SPTB: variants seen among roughly 807,000 people sequenced by gnomAD.
SPTB encodes the protein spectrin beta, erythrocytic.
A neutral mutation model predicts 256.2 loss-of-function variants in SPTB; 45 were observed. The observed-to-expected ratio is 0.18, with a 90% CI of 0.14 to 0.23. SPTB has a LOEUF of 0.23. SPTB is among the 10% of genes least tolerant of loss of function. The probability of loss-of-function intolerance (pLI) is 1.00; values close to 1 mark genes in which losing one functional copy is unlikely to be tolerated. For synonymous variants in SPTB, 1,231 were observed against 1,243.1 expected, an observed-to-expected ratio of 0.99 and a Z score of 0.21; for missense variants, 2,715 against 3,040.4, an observed-to-expected ratio of 0.89 and a Z score of 2.52.
At chr14:64,855,125 G>A (rs761135045) in intron 1 of SPTB, among the ~76,000 whole-genome samples, 2 of 152,178 alleles carry the variant, frequency 1.3e-5, no homozygotes, top group Admixed American at 6.5e-5. Context: ...TGCCCAATGC[G>A]CCAGTTACCA....
At chr14:64,791,934 C>T (rs1382130486) in intron 14 of SPTB, 78 bp from the exon 15 acceptor site, 4 of 1,585,744 alleles carry the variant, frequency 2.5e-6, no homozygotes, top group Non-Finnish European at 3.4e-6. Flanking sequence ...CCCCAGTCTC[C>T]AGAACATGTA....
In SPTB at chr14:64,840,845, G is replaced by A. The variant is rs1033043385; in HGVS notation, c.-51-17700C>T. 3.9e-5 allele frequency among the ~76,000 whole-genome samples: 6 copies of A among 152,184 alleles called. No individual in the cohort carries two copies. The South Asian group carries it at 1.2e-3, about 32-fold the overall frequency. On this transcript the variant is annotated intron_variant, in intron 1 of 35. Coordinates refer to ENST00000644917, the MANE Select transcript of SPTB (RefSeq NM_001355436.2). ...ACAGAGAGGTGGATAGGGCCTGTAC[G>A]ACTTGCTGCTATTGCCATACAAGAC...
chr14:64,841,532 C>T lies in SPTB; in HGVS notation c.-51-18387G>A, dbSNP rs1286310553. ...CTTCAGGGTCACAGCTAATCCACGC[C>T]CTGAGATTTCAAAACACAGAATGCA... On this transcript the variant is annotated intron_variant, in intron 1 of 35. Transcript: ENST00000644917. The surrounding 1 kb of genome is among the most constrained non-coding windows in gnomAD (Gnocchi z 4.6). Among the ~76,000 whole-genome samples, 1 of 152,164 alleles carries T rather than the reference C, an allele frequency of 6.6e-6. No homozygotes were observed. Among genetic ancestry groups the T allele is most frequent in the Non-Finnish European group, 1.5e-5 (1 of 68,030 alleles).
chr14:64,817,835 G>C (rs1320466552), intron 2 of SPTB, among the ~76,000 whole-genome samples: 2 of 152,248 alleles, frequency 1.3e-5, no homozygotes, highest in Non-Finnish European at 2.9e-5. Flanking sequence ...GGAGGTGGGC[G>C]GGGAGCAGCA....
At chr14:64,871,808 C>T (rs185520615) in intron 1 of SPTB, among the ~76,000 whole-genome samples, 16 of 152,234 alleles carry the variant, frequency 1.1e-4, no homozygotes, top group African/African-American at 2.6e-4. Context: ...GTTTTAACCA[C>T]GTACATGAGT....
intron 1 of SPTB, among the ~76,000 whole-genome samples, chr14:64,837,705 G>C (rs4384522): frequency 0.16 from 23,636 of 152,098 alleles, 1,955 homozygotes; most frequent in African/African-American, 0.2. Context: ...AGGTTCAAGC[G>C]ATTCTCCTGC....
intron 2 of SPTB, among the ~76,000 whole-genome samples, chr14:64,809,483 C>A (rs61395783): frequency 1.3e-5 from 2 of 151,766 alleles, no homozygotes; most frequent in African/African-American, 4.8e-5. Flanking sequence ...GTAGCTGGGA[C>A]TACAGGCGTG....
chr14:64,750,157 G>A lies in SPTB; in HGVS notation c.6603-3C>T. Reference sequence around the variant, plus strand: ...CACAGTACAGGTTGTTCCAGGACCTGCAAAGATGCAGACAGGCAGGTCACC... The same window carrying A: ...CACAGTACAGGTTGTTCCAGGACCTACAAAGATGCAGACAGGCAGGTCACC... On this transcript the variant is annotated splice_polypyrimidine_tract_variant and splice_region_variant and intron_variant, in intron 33 of 35. Transcript: ENST00000644917. The A allele has an allele frequency of 1.9e-6, 3 of 1,609,848 alleles. No homozygotes were observed. Among genetic ancestry groups the A allele is most frequent in the Non-Finnish European group, 2.5e-6 (3 of 1,176,480 alleles).
Position 64,747,460 on chromosome 14 carries a change from G to A in SPTB, c.*1846C>T, listed in dbSNP as rs573876671. 191 of 152,784 alleles carry A rather than the reference G, an allele frequency of 1.3e-3. 1 individual carries two copies. Among genetic ancestry groups the A allele is most frequent in the Non-Finnish European group, 2.0e-3 (133 of 68,046 alleles). 9.5% of individuals were successfully genotyped at this position (152,784 alleles called of 1,614,324 possible). Reference sequence around the variant, plus strand: ...CCTGTATAGGGTCATATGTACCAAAGCCAAATGAAGACCTTGCTCACCAGG... The same window carrying A: ...CCTGTATAGGGTCATATGTACCAAAACCAAATGAAGACCTTGCTCACCAGG... On this transcript the variant is annotated 3_prime_UTR_variant, in exon 36 of 36. Coordinates refer to ENST00000644917, the MANE Select transcript of SPTB (RefSeq NM_001355436.2).
intron 1 of SPTB, among the ~76,000 whole-genome samples, chr14:64,846,485 C>T (rs544488222): frequency 1.6e-4 from 25 of 152,334 alleles, no homozygotes; most frequent in African/African-American, 3.6e-4. Flanking sequence ...GGCAGCAGAA[C>T]GCATAGGTCG....
At position 64,847,942 on chromosome 14, in the gene SPTB, C is replaced by T. The variant is rs571397000; in HGVS notation, c.-51-24797G>A. On this transcript the variant is annotated intron_variant, in intron 1 of 35. Transcript: ENST00000644917. The surrounding 1 kb of genome is among the most constrained non-coding windows in gnomAD (Gnocchi z 5.9). ...TGGCCAGGTGATCGCATGCATCCTTCACCTGTGAATGCCTTCATCCCTCTC... is the reference window on the plus strand; with the variant it reads ...TGGCCAGGTGATCGCATGCATCCTTTACCTGTGAATGCCTTCATCCCTCTC... 3.3e-5 allele frequency among the ~76,000 whole-genome samples: 5 copies of T among 152,206 alleles called. No individual in the cohort carries two copies. Among genetic ancestry groups the T allele is most frequent in the Admixed American group, 6.5e-5 (1 of 15,282 alleles).
At chr14:64,788,060 G>A (rs1024444262) in intron 15 of SPTB, among the ~76,000 whole-genome samples, 1 of 152,222 alleles carries the variant, frequency 6.6e-6, no homozygotes, top group Non-Finnish European at 1.5e-5. Context: ...ATGATTTAGA[G>A]AAATATTCAG....
intron 2 of SPTB, among the ~76,000 whole-genome samples, chr14:64,819,087 T>C (rs1258432812): frequency 6.6e-6 from 1 of 152,166 alleles, no homozygotes; most frequent in Non-Finnish European, 1.5e-5. Flanking sequence ...CCCCTTGGCA[T>C]TGCCAAGGTC....
Position 64,823,172 on chromosome 14 carries a change from G to C in SPTB, c.-51-27C>G. 1 of 1,565,384 alleles carries C rather than the reference G, an allele frequency of 6.4e-7. No homozygotes were observed. On this transcript the variant is annotated intron_variant, in intron 1 of 35. Transcript: ENST00000644917. The surrounding 1 kb of genome is among the most constrained non-coding windows in gnomAD (Gnocchi z 6.5). ...TGGGGGACAGCAACACAGTCAGAGG[G>C]TTATCTCTCTACCCCCTCGGACTTT...
chr14:64,766,860 G>T lies in SPTB; in HGVS notation c.6270-59C>A, dbSNP rs2082192977. ...CACCCCTCTGAGGCCAGTGCCTCCT[G>T]CGAGGCCTGGCTTTTCACCTGCGCC... On this transcript the variant is annotated intron_variant, in intron 31 of 35. Transcript: ENST00000644917. The T allele has an allele frequency of 1.6e-5, 25 of 1,592,474 alleles. No homozygotes were observed. In the South Asian group the frequency reaches 1.8e-4, roughly 11 times the overall value.
intron 1 of SPTB, among the ~76,000 whole-genome samples, chr14:64,832,869 C>A (rs995373494): frequency 6.6e-6 from 1 of 152,228 alleles, no homozygotes; most frequent in African/African-American, 2.4e-5. Context: ...GTGGTTTCTG[C>A]TGGTCTTTGT....
Position 64,769,583 on chromosome 14 carries a change from C to T in SPTB, c.5937+7G>A, listed in dbSNP as rs200478047. The T allele has an allele frequency of 3.4e-4, 544 of 1,613,774 alleles. No homozygotes were observed. The highest frequency in any genetic ancestry group is 4.3e-4 in the Non-Finnish European group (502 of 1,180,008). Reference sequence around the variant, plus strand: ...GGAGCTCGCCTCCATCCTTGCAGTCCCCTCACCTCCTCTGAGGCCTGGTGC... The same window carrying T: ...GGAGCTCGCCTCCATCCTTGCAGTCTCCTCACCTCCTCTGAGGCCTGGTGC... On this transcript the variant is annotated splice_region_variant and intron_variant, in intron 28 of 35. Coordinates refer to ENST00000644917, the MANE Select transcript of SPTB (RefSeq NM_001355436.2).
intron 32 of SPTB, among the ~76,000 whole-genome samples, chr14:64,765,833 T>G (rs999178647): frequency 0.013 from 1,835 of 142,140 alleles, 58 homozygotes; most frequent in African/African-American, 0.033. Context: ...TGTGTGTGTG[T>G]GTGGGGGTGT....
Position 64,786,467 on chromosome 14 carries a change from C to A in SPTB, c.3498G>T (p.Gln1166His). 6.2e-7 allele frequency: 1 copy of A among 1,614,174 alleles called. No individual in the cohort carries two copies. ...TCTGGAACTCCTGGAAGCCAAGGCA[C>A]TGAGCGAGGGTGTGGCTGCGGCTCT... is the stretch of plus-strand genomic sequence containing the variant. ...MWESRSHTLA[Q>H]CLGFQEFQKD... The change falls in exon 16 of 36, where the codon CAG (glutamine) becomes CAT (histidine). Residue 1166 changes from glutamine to histidine, a missense_variant. Coordinates refer to ENST00000644917, the MANE Select transcript of SPTB (RefSeq NM_001355436.2). The surrounding 1 kb of genome is among the most constrained non-coding windows in gnomAD (Gnocchi z 5.6).
Sources: gnomAD v4.1 joint callset for allele counts (sites outside exome capture counted in the v4.1 genomes callset) on GRCh38, gnomAD v4.1.1 for gene constraint, Gnocchi (gnomAD v3.1) non-coding constraint, MANE v1.5 for transcripts, NCBI Gene and HGNC (gene_info 2026-07-23, HGNC 2026-07-21) for gene names.